Variants in TSHZ2 observed in about 807,000 individuals in gnomAD.
The protein encoded by TSHZ2 is teashirt homolog 2.
Under a neutral mutation model 74.4 loss-of-function variants are expected in TSHZ2, and 21 were observed. The ratio of observed to expected loss-of-function variants is 0.28; its 90% confidence interval spans 0.20 to 0.41. The LOEUF is 0.41. Ranked by LOEUF, TSHZ2 falls within the 10% of genes least tolerant of loss-of-function variation. The pLI, the probability that TSHZ2 is intolerant of heterozygous loss-of-function variation, is 1.00. For missense variants in TSHZ2, 1,244 were observed against 1,293.5 expected (o/e 0.96, Z 0.59); for synonymous variants, 540 against 515.3 (o/e 1.05, Z -0.65).
At chr20:53,038,383 C>T (rs935683593) in intron 1 of TSHZ2, among the ~76,000 whole-genome samples, 3 of 151,968 alleles carry the variant, frequency 2.0e-5, no homozygotes, top group African/African-American at 4.8e-5. Context: ...TTGGGTTTCT[C>T]CCCTGGGGAA....
chr20:53,303,077 T>A (rs1257541499), intron 2 of TSHZ2, among the ~76,000 whole-genome samples: 1 of 152,236 alleles, frequency 6.6e-6, no homozygotes, highest in East Asian at 1.9e-4. Flanking sequence ...GATGTAGCGC[T>A]GCATTTTGAT....
At chr20:53,003,081 T>C (rs2122968659) in intron 1 of TSHZ2, among the ~76,000 whole-genome samples, 1 of 152,302 alleles carries the variant, frequency 6.6e-6, no homozygotes, top group African/African-American at 2.4e-5. Flanking sequence ...CTAATAAAGC[T>C]GCCTCGAGCT....
intron 2 of TSHZ2, among the ~76,000 whole-genome samples, chr20:53,391,536 A>G (rs986620575): frequency 3.3e-5 from 5 of 151,610 alleles, no homozygotes; most frequent in African/African-American, 9.7e-5. Flanking sequence ...GGCTCAAACA[A>G]TCCTTCCACT....
At chr20:53,385,183 G>C (rs767927187) in intron 2 of TSHZ2, among the ~76,000 whole-genome samples, 1 of 152,112 alleles carries the variant, frequency 6.6e-6, no homozygotes, top group Non-Finnish European at 1.5e-5. Context: ...CCCAGATCTA[G>C]ATATATGGGG....
chr20:53,448,959 T>C (rs1446436513), intron 2 of TSHZ2, among the ~76,000 whole-genome samples: 3 of 152,112 alleles, frequency 2.0e-5, no homozygotes, highest in Non-Finnish European at 4.4e-5. Flanking sequence ...TTTGCACACA[T>C]TATCACCAAC....
intron 1 of TSHZ2, among the ~76,000 whole-genome samples, chr20:53,137,714 G>T (rs1987282980): frequency 6.6e-6 from 1 of 152,036 alleles, no homozygotes; most frequent in Non-Finnish European, 1.5e-5. Flanking sequence ...TGTGCACGTA[G>T]CCCCTTTAAT....
intron 1 of TSHZ2, among the ~76,000 whole-genome samples, chr20:53,120,502 CAG>C (rs1568769086): frequency 1.3e-5 from 2 of 151,934 alleles, no homozygotes; most frequent in African/African-American, 4.8e-5. Flanking sequence ...GACTGACAAA[CAG>C]GGCAAATGAC....
At chr20:53,369,659 G>C (rs762756928) in intron 2 of TSHZ2, among the ~76,000 whole-genome samples, 1 of 152,040 alleles carries the variant, frequency 6.6e-6, no homozygotes, top group African/African-American at 2.4e-5. Flanking sequence ...TGCAGTGGGC[G>C]GAGATGGAAC....
At chr20:53,452,944 T>C (rs1984862305) in intron 2 of TSHZ2, 1 of 152,208 alleles carries the variant, frequency 6.6e-6, no homozygotes, top group African/African-American at 2.4e-5. Flanking sequence ...CACCGTAATT[T>C]TGTCGAGCTT....
At chr20:53,240,029 A>G (rs1990029146) in intron 1 of TSHZ2, among the ~76,000 whole-genome samples, 1 of 152,210 alleles carries the variant, frequency 6.6e-6, no homozygotes, top group Non-Finnish European at 1.5e-5. Flanking sequence ...CAAAATCTTC[A>G]GGTAGAGTTT....
intron 2 of TSHZ2, among the ~76,000 whole-genome samples, chr20:53,298,074 T>A (rs527355465): frequency 6.6e-6 from 1 of 152,328 alleles, no homozygotes; most frequent in Non-Finnish European, 1.5e-5. Flanking sequence ...TTATGGGTGA[T>A]CCTCTTCATG....
chr20:52,991,475 T>G lies in TSHZ2; in HGVS notation c.40+18142T>G, dbSNP rs563322674. 3.4e-5 allele frequency among the ~76,000 whole-genome samples: 5 copies of G among 146,260 alleles called. No individual in the cohort carries two copies. The East Asian group carries it at 1.0e-3, about 30-fold the overall frequency. ...GGATTATGTATGTTGTGGGTATTAG[T>G]GTGTGTGTTGTAGGAGAAGAGAGTG... On this transcript the variant is annotated intron_variant, in intron 1 of 2. Coordinates refer to ENST00000371497, the MANE Select transcript of TSHZ2 (RefSeq NM_173485.6).
At chr20:53,297,389 A>G (rs1991399200) in intron 2 of TSHZ2, among the ~76,000 whole-genome samples, 1 of 151,838 alleles carries the variant, frequency 6.6e-6, no homozygotes, top group Non-Finnish European at 1.5e-5. Flanking sequence ...AGCTGGGACC[A>G]CAGGTGTGCA....
At chr20:53,403,181 G>A (rs756381242) in intron 2 of TSHZ2, among the ~76,000 whole-genome samples, 10 of 152,100 alleles carry the variant, frequency 6.6e-5, no homozygotes, top group Non-Finnish European at 8.8e-5. Flanking sequence ...TCATTAATTC[G>A]CTTAGGATGA....
rs527239741 is a variant in TSHZ2, at chr20:52,996,278, G to A, written c.40+22945G>A. The stretch of plus-strand genomic sequence containing the variant: ...CTGTAGCATCTTTTTGCTTAAGGCC[G>A]AAAGTTCTTCTCAACTTTCCTTTCA... On this transcript the variant is annotated intron_variant, in intron 1 of 2. Coordinates refer to ENST00000371497, the MANE Select transcript of TSHZ2 (RefSeq NM_173485.6). Among the ~76,000 whole-genome samples the A allele has an allele frequency of 3.9e-5, 6 of 151,938 alleles. No homozygotes were observed. In the East Asian group the frequency reaches 5.8e-4, roughly 15 times the overall value.
intron 1 of TSHZ2, among the ~76,000 whole-genome samples, chr20:53,193,549 G>A (rs1988792286): frequency 6.6e-6 from 1 of 152,042 alleles, no homozygotes; most frequent in African/African-American, 2.4e-5. Flanking sequence ...AACCAGATCT[G>A]TCTCGTTCAT....
intron 2 of TSHZ2, among the ~76,000 whole-genome samples, chr20:53,385,632 C>T (rs1459398012): frequency 6.6e-6 from 1 of 152,132 alleles, no homozygotes; most frequent in Non-Finnish European, 1.5e-5. Context: ...TTTTTAAGGT[C>T]GCTGTTAGGG....
At chr20:53,020,202 T>C (rs948932333) in intron 1 of TSHZ2, among the ~76,000 whole-genome samples, 1 of 152,184 alleles carries the variant, frequency 6.6e-6, no homozygotes, top group South Asian at 2.1e-4. Flanking sequence ...GAGATTCGGG[T>C]GGGGACACAG....
At chr20:53,346,586 C>T (rs1980447817) in intron 2 of TSHZ2, among the ~76,000 whole-genome samples, 1 of 152,234 alleles carries the variant, frequency 6.6e-6, no homozygotes, top group African/African-American at 2.4e-5. Context: ...GAAGCTTAGG[C>T]TCCTCCTGTT....
Sources: gnomAD v4.1 joint callset for allele counts (sites outside exome capture counted in the v4.1 genomes callset) on GRCh38, gnomAD v4.1.1 for gene constraint, MANE v1.5 for transcripts, NCBI Gene and HGNC (gene_info 2026-07-23, HGNC 2026-07-21) for gene names.